Variants in FAM117B observed in about 807,000 individuals in gnomAD.
FAM117B encodes protein FAM117B.
A neutral mutation model predicts 52.8 loss-of-function variants in FAM117B; 22 were observed. The ratio of observed to expected loss-of-function variants is 0.42; its 90% CI spans 0.30 to 0.59. The LOEUF (loss-of-function observed/expected upper bound fraction) is 0.59, where lower values mean the gene tolerates loss of function less well. Ranked by LOEUF, FAM117B falls within the 20% of genes least tolerant of loss-of-function variation. The pLI is 0.22. For missense variants in FAM117B, 678 were observed against 802.6 expected (o/e 0.84, Z 1.88); for synonymous variants, 309 against 324.1 (o/e 0.95, Z 0.50).
chr2:202,709,429 T>C (rs942196662), intron 2 of FAM117B, among the ~76,000 whole-genome samples: 1 of 152,202 alleles, frequency 6.6e-6, no homozygotes, highest in Non-Finnish European at 1.5e-5. Flanking sequence ...CTTGAACTCC[T>C]GACCTCAGGC....
chr2:202,677,837 A>G (rs1371808423), intron 1 of FAM117B, among the ~76,000 whole-genome samples: 1 of 152,168 alleles, frequency 6.6e-6, no homozygotes, highest in Non-Finnish European at 1.5e-5. Flanking sequence ...TCTGCCTCAG[A>G]TTGTTGGTTT....
chr2:202,651,809 T>C (rs1689962337), intron 1 of FAM117B, among the ~76,000 whole-genome samples: 1 of 152,002 alleles, frequency 6.6e-6, no homozygotes, highest in Non-Finnish European at 1.5e-5. Context: ...TAAAGACAAG[T>C]TTGGGAGGCT....
At chr2:202,712,547 T>C (rs950470949) in intron 2 of FAM117B, among the ~76,000 whole-genome samples, 4 of 151,846 alleles carry the variant, frequency 2.6e-5, no homozygotes, top group Admixed American at 2.6e-4. Context: ...TATTTCATTC[T>C]CTTGTCCAGT....
chr2:202,760,503 C>G (rs1691869540), intron 7 of FAM117B, among the ~76,000 whole-genome samples: 1 of 152,106 alleles, frequency 6.6e-6, no homozygotes, highest in Admixed American at 6.5e-5. Context: ...GATATTTTTC[C>G]TTTCATGTAT....
At chr2:202,681,190 T>C (rs1216693262) in intron 1 of FAM117B, among the ~76,000 whole-genome samples, 1 of 151,890 alleles carries the variant, frequency 6.6e-6, no homozygotes, top group African/African-American at 2.4e-5. Flanking sequence ...GTAAAAGAAA[T>C]ATAGCTAATG....
intron 4 of FAM117B, among the ~76,000 whole-genome samples, chr2:202,743,716 G>A (rs374451336): frequency 3.9e-5 from 6 of 152,256 alleles, no homozygotes; most frequent in African/African-American, 9.6e-5. Flanking sequence ...AACAAATCAT[G>A]GAGCTGAAGA....
At chr2:202,688,276 G>A (rs1690574274) in intron 1 of FAM117B, among the ~76,000 whole-genome samples, 2 of 151,988 alleles carry the variant, frequency 1.3e-5, no homozygotes, top group Non-Finnish European at 2.9e-5. Context: ...AAATTCCAAG[G>A]GTACAATTGG....
At chr2:202,727,792 C>A in intron 4 of FAM117B, among the ~76,000 whole-genome samples, 1 of 152,124 alleles carries the variant, frequency 6.6e-6, no homozygotes, top group Admixed American at 6.6e-5. Flanking sequence ...GCCTAAAATA[C>A]TTACTGTTTG....
At chr2:202,684,627 C>T (rs912787077) in intron 1 of FAM117B, among the ~76,000 whole-genome samples, 1 of 152,114 alleles carries the variant, frequency 6.6e-6, no homozygotes, top group African/African-American at 2.4e-5. Flanking sequence ...TGCAAGAAAG[C>T]TATAATGTGC....
intron 2 of FAM117B, among the ~76,000 whole-genome samples, chr2:202,717,433 C>G (rs1172986242): frequency 1.3e-5 from 2 of 152,138 alleles, no homozygotes; most frequent in Non-Finnish European, 2.9e-5. Flanking sequence ...GATGGTGTCA[C>G]TGTACTCCAT....
intron 2 of FAM117B, among the ~76,000 whole-genome samples, chr2:202,702,521 A>G (rs947491975): frequency 6.6e-6 from 1 of 152,226 alleles, no homozygotes; most frequent in Non-Finnish European, 1.5e-5. Context: ...CTCCACTGTC[A>G]AAAAGATTGT....
intron 4 of FAM117B, among the ~76,000 whole-genome samples, chr2:202,737,586 TTGTG>T (rs1245507866): frequency 6.6e-6 from 1 of 152,094 alleles, no homozygotes; most frequent in Non-Finnish European, 1.5e-5. Context: ...CTCTAAGTAG[TTGTG>T]TGTATCAATA....
At chr2:202,646,031 GT>G (rs774262277) in intron 1 of FAM117B, among the ~76,000 whole-genome samples, 107 of 137,716 alleles carry the variant, frequency 7.8e-4, no homozygotes, top group Middle Eastern at 3.8e-3. Context: ...AAAGTTTTTT[GT>G]TTTTTTTTTT....
chr2:202,706,633 T>G (rs1690872659), intron 2 of FAM117B, among the ~76,000 whole-genome samples: 1 of 152,234 alleles, frequency 6.6e-6, no homozygotes, highest in African/African-American at 2.4e-5. Context: ...GTCTGTAATT[T>G]AGAGTAAAAA....
At chr2:202,730,245 C>T (rs1449416994) in intron 4 of FAM117B, among the ~76,000 whole-genome samples, 2 of 152,194 alleles carry the variant, frequency 1.3e-5, no homozygotes, top group Non-Finnish European at 2.9e-5. Flanking sequence ...TCACACGAGA[C>T]AGCCAGAATT....
intron 1 of FAM117B, among the ~76,000 whole-genome samples, chr2:202,688,978 A>G (rs1352479385): frequency 6.6e-6 from 1 of 152,262 alleles, no homozygotes; most frequent in African/African-American, 2.4e-5. Context: ...AGTATTAAAC[A>G]TAGTGATGTG....
At chr2:202,737,898 G>A (rs1022079413) in intron 4 of FAM117B, among the ~76,000 whole-genome samples, 9 of 151,920 alleles carry the variant, frequency 5.9e-5, no homozygotes, top group Middle Eastern at 3.2e-3. Flanking sequence ...CACTGTGCCC[G>A]GCCAGTTTAT....
intron 1 of FAM117B, among the ~76,000 whole-genome samples, chr2:202,642,709 C>T (rs954153363): frequency 6.6e-6 from 1 of 152,120 alleles, no homozygotes; most frequent in Non-Finnish European, 1.5e-5. Context: ...AAAATTAGGA[C>T]TCATTTATTG....
chr2:202,765,315 T>A, intron 7 of FAM117B, 131 bp from the exon 8 acceptor site: 1 of 895,338 alleles, frequency 1.1e-6, no homozygotes. Context: ...GAGCTTGAGT[T>A]TTATATTCCT....
Sources: allele counts gnomAD v4.1 joint callset (sites outside exome capture counted in the v4.1 genomes callset), GRCh38; gene constraint gnomAD v4.1.1; transcripts MANE v1.5; gene names NCBI Gene and HGNC (gene_info 2026-07-23, HGNC 2026-07-21).